Variants in PKIG observed in about 807,000 individuals in gnomAD.
PKIG encodes the protein cAMP-dependent protein kinase inhibitor gamma.
In PKIG, 1 loss-of-function variant was observed where a neutral mutation model predicts 6.8. That is an observed-to-expected ratio of 0.15 (90% CI 0.05 to 0.69). PKIG has a LOEUF of 0.69. PKIG is among the 30% of genes least tolerant of loss of function. The pLI, the probability that PKIG is intolerant of heterozygous loss-of-function variation, is 0.82. For synonymous variants in PKIG, 39 were observed against 43.0 expected (o/e 0.91, Z 0.36); for missense variants, 77 against 104.0 (o/e 0.74, Z 1.13).
chr20:44,537,827 C>G (rs934640979), intron 1 of PKIG, among the ~76,000 whole-genome samples: 1 of 151,236 alleles, frequency 6.6e-6, no homozygotes, highest in Non-Finnish European at 1.5e-5. Context: ...CTCAGATGAT[C>G]CACCCATCTT....
chr20:44,567,535 A>T (rs2123273856), intron 1 of PKIG, among the ~76,000 whole-genome samples: 1 of 152,002 alleles, frequency 6.6e-6, no homozygotes, highest in South Asian at 2.1e-4. Context: ...CCTCATACTC[A>T]TCTTGGCCAT....
intron 1 of PKIG, among the ~76,000 whole-genome samples, chr20:44,555,238 GA>G (rs1332420126): frequency 1.3e-5 from 2 of 152,274 alleles, no homozygotes; most frequent in Admixed American, 6.5e-5. Context: ...AAACAAACAT[GA>G]AAATGTATTG....
chr20:44,582,578 C>T (rs1190054198), upstream of PKIG: 1 of 152,400 alleles, frequency 6.6e-6, no homozygotes, highest in Non-Finnish European at 1.5e-5. Context: ...AAGTGCTTTT[C>T]ATTTAGGAGA....
rs572792415 is a variant in PKIG, at chr20:44,587,474, G to T, written c.-93-2323G>T. 2.0e-5 allele frequency among the ~76,000 whole-genome samples: 3 copies of T among 152,258 alleles called. 1 individual carries two copies. The highest frequency in any genetic ancestry group is 7.2e-5 in the African/African-American group (3 of 41,546). On this transcript the variant is annotated intron_variant, in intron 1 of 3. Coordinates refer to ENST00000372886, the MANE Select transcript of PKIG (RefSeq NM_001281445.2). Reference sequence around the variant, plus strand: ...GAACACTTCCTTACAAAATGTATGGGCCCCACCTGAGAGGGCCCTGAATCT... The same window carrying T: ...GAACACTTCCTTACAAAATGTATGGTCCCCACCTGAGAGGGCCCTGAATCT...
rs55907227 is a variant in PKIG at position 44,614,350 on chromosome 20, T to C, written c.-23-184T>C. ...TTCTTTAAAATGTTGATGGTGGTTG[T>C]CTGGGTGTGGAATTATGAGTGACTT... On this transcript the variant is annotated intron_variant, in intron 2 of 3. Coordinates refer to ENST00000372886, the MANE Select transcript of PKIG (RefSeq NM_001281445.2). This position sits in a 1 kb window ranked among gnomAD's most constrained non-coding sequence, Gnocchi z 4.6. 37,467 of 515,966 alleles carry C rather than the reference T, an allele frequency of 0.073. 1,629 individuals carry two copies. The highest frequency in any genetic ancestry group is 0.15 in the South Asian group (5,427 of 35,596). The allele number at this position is 515,966 out of a possible 1,614,324, so 32.0% of individuals were successfully genotyped here. A position where few individuals can be genotyped will look rare whatever the true frequency, so the allele number is the denominator to read the frequency against.
intron 1 of PKIG, among the ~76,000 whole-genome samples, chr20:44,557,143 T>C (rs1406311910): frequency 1.3e-5 from 2 of 152,206 alleles, no homozygotes; most frequent in Non-Finnish European, 2.9e-5. Context: ...GAGGGACTTG[T>C]ACTTTTCATT....
At chr20:44,536,670 G>A (rs2064515218) in intron 1 of PKIG, among the ~76,000 whole-genome samples, 1 of 152,210 alleles carries the variant, frequency 6.6e-6, no homozygotes, top group African/African-American at 2.4e-5. Flanking sequence ...CTTCTAGAAG[G>A]TGGAGAGAAA....
chr20:44,576,221 T>C (rs2064896934), intron 1 of PKIG, among the ~76,000 whole-genome samples: 1 of 151,360 alleles, frequency 6.6e-6, no homozygotes, highest in Non-Finnish European at 1.5e-5. Context: ...TTTATTGAGT[T>C]TCCTATTTTA....
intron 1 of PKIG, among the ~76,000 whole-genome samples, chr20:44,573,688 T>C (rs551327359): frequency 4.6e-5 from 7 of 152,322 alleles, no homozygotes; most frequent in African/African-American, 7.2e-5. Flanking sequence ...GCCTCAACCT[T>C]TTCATCTGTA....
chr20:44,578,531 A>G (rs1336248654), upstream of PKIG, among the ~76,000 whole-genome samples: 1 of 151,812 alleles, frequency 6.6e-6, no homozygotes, highest in Non-Finnish European at 1.5e-5. Flanking sequence ...TGGTTGTTTA[A>G]AAAGAACCTG....
At chr20:44,587,195 G>A (rs1358562698) in intron 1 of PKIG, among the ~76,000 whole-genome samples, 6 of 152,222 alleles carry the variant, frequency 3.9e-5, no homozygotes. Flanking sequence ...AGACAGAGGA[G>A]TGAATAATTT....
chr20:44,600,369 A>G (rs1019807035), intron 2 of PKIG, among the ~76,000 whole-genome samples: 9 of 152,162 alleles, frequency 5.9e-5, no homozygotes, highest in Admixed American at 3.9e-4. Flanking sequence ...CAGTGATCCA[A>G]TTTCCATTTT....
intron 2 of PKIG, among the ~76,000 whole-genome samples, chr20:44,609,136 C>G (rs79230950): frequency 0.036 from 5,526 of 152,254 alleles, 126 homozygotes; most frequent in African/African-American, 0.058. Flanking sequence ...TTTCTGCTTT[C>G]GATTGGAGAG....
At chr20:44,604,471 A>T (rs1600893958) in intron 2 of PKIG, among the ~76,000 whole-genome samples, 1 of 152,368 alleles carries the variant, frequency 6.6e-6, no homozygotes, top group South Asian at 2.1e-4. Context: ...GAACAATTAG[A>T]GAAACATTAG....
chr20:44,617,150 T>G (rs2065272556), intron 3 of PKIG, among the ~76,000 whole-genome samples: 1 of 152,142 alleles, frequency 6.6e-6, no homozygotes, highest in South Asian at 2.1e-4. Flanking sequence ...AAAGTGCCCA[T>G]CCATCTGCAG....
At chr20:44,546,560 C>T (rs144406435) in intron 1 of PKIG, among the ~76,000 whole-genome samples, 12 of 141,848 alleles carry the variant, frequency 8.5e-5, no homozygotes, top group Admixed American at 2.8e-4. Context: ...TTTTTGAGTT[C>T]TTTTTTTTTT....
intron 1 of PKIG, among the ~76,000 whole-genome samples, chr20:44,577,336 G>C (rs1412205350): frequency 6.6e-6 from 1 of 152,006 alleles, no homozygotes; most frequent in Non-Finnish European, 1.5e-5. Flanking sequence ...GTTTCACCAT[G>C]TTGGCCAGGC....
chr20:44,557,070 C>T (rs1600849362), intron 1 of PKIG, among the ~76,000 whole-genome samples: 1 of 151,966 alleles, frequency 6.6e-6, no homozygotes, highest in South Asian at 2.1e-4. Flanking sequence ...CTATTAAGGT[C>T]GTATATAAAT....
chr20:44,547,659 T>TA (rs1321516396), intron 1 of PKIG, among the ~76,000 whole-genome samples: 4 of 152,198 alleles, frequency 2.6e-5, no homozygotes, highest in Admixed American at 2.0e-4. Context: ...CTGTGGCACT[T>TA]ACTAACTTGG....
Sources: allele counts gnomAD v4.1 joint callset (sites outside exome capture counted in the v4.1 genomes callset), GRCh38; gene constraint gnomAD v4.1.1; non-coding constraint Gnocchi (gnomAD v3.1); transcripts MANE v1.5; gene names NCBI Gene and HGNC (gene_info 2026-07-23, HGNC 2026-07-21).